Variants in ZNF254 observed in about 807,000 individuals in gnomAD.
ZNF254 encodes the protein zinc finger protein 254, also known as CTD-2017D11.1.
A neutral mutation model predicts 12.4 loss-of-function variants in ZNF254; 10 were observed. The observed-to-expected ratio is 0.80, with a 90% CI of 0.50 to 1.36. The LOEUF is 1.36. Among genes scored for constraint, ZNF254 ranks in the 40% most tolerant of loss-of-function variants. The pLI, the probability that ZNF254 is intolerant of heterozygous loss-of-function variation, is 0.00. For missense variants in ZNF254, 996 were observed against 763.9 expected (o/e 1.30, Z -3.58); for synonymous variants, 305 against 253.4 (o/e 1.20, Z -1.93).
chr19:24,085,427 A>ATATATGT (rs1369362234), upstream of ZNF254, among the ~76,000 whole-genome samples: 27 of 42,446 alleles, frequency 6.4e-4, 3 homozygotes, highest in South Asian at 5.1e-3. Context: ...TATATATATA[A>ATATATGT]AAACTAAGAT....
At chr19:24,107,446 A>T (rs547321053) in intron 3 of ZNF254, 20 of 380,612 alleles carry the variant, frequency 5.3e-5, no homozygotes, top group African/African-American at 3.5e-4. Flanking sequence ...TGAGTATTTC[A>T]TTGATATTGT....
intron 3 of ZNF254, among the ~76,000 whole-genome samples, chr19:24,124,563 G>C (rs1029281828): frequency 1.3e-5 from 2 of 151,888 alleles, no homozygotes; most frequent in Non-Finnish European, 2.9e-5. Flanking sequence ...TTTAGAATTT[G>C]GTTACTTTGG....
At chr19:24,094,876 A>G (rs1006437507) in intron 1 of ZNF254, among the ~76,000 whole-genome samples, 1 of 151,766 alleles carries the variant, frequency 6.6e-6, no homozygotes, top group South Asian at 2.1e-4. Context: ...TAGTGGAGAC[A>G]GGGTTTTGCC....
At chr19:24,045,496 C>G (rs56147653) in intron 1 of ZNF254, among the ~76,000 whole-genome samples, 23,916 of 151,516 alleles carry the variant, frequency 0.16, 2,056 homozygotes, top group Middle Eastern at 0.23. Context: ...GGTGAAACCC[C>G]GTCTCTACTA....
chr19:24,059,194 A>C (rs1970977886), intron 2 of ZNF254, among the ~76,000 whole-genome samples: 1 of 152,194 alleles, frequency 6.6e-6, no homozygotes, highest in Non-Finnish European at 1.5e-5. Flanking sequence ...GCATTATGAC[A>C]TATCTCTTGG....
Position 24,126,404 on chromosome 19 carries a change from A to G in ZNF254, c.404A>G (p.Asn135Ser), listed in dbSNP as rs2146014650. 1 of 1,606,588 alleles carries G rather than the reference A, an allele frequency of 6.2e-7. No individual in the cohort carries two copies. The highest frequency in any genetic ancestry group is 8.5e-7 in the Non-Finnish European group (1 of 1,178,006). ...AAAAGTGTGGATGAGTATAAGGTGA[A>G]CAAAGAAGGTTATAATGGACTTAAC... is the stretch of plus-strand genomic sequence containing the variant. ...GCKSVDEYKV[N>S]KEGYNGLNQC... The change falls in exon 4 of 4, where the codon AAC becomes AGC. Residue 135 changes from asparagine (N) to serine (S), a missense_variant. Coordinates refer to ENST00000357002, the MANE Select transcript of ZNF254 (RefSeq NM_203282.4).
chr19:24,047,999 T>C (rs1338192841), intron 2 of ZNF254, among the ~76,000 whole-genome samples: 3 of 123,166 alleles, frequency 2.4e-5, no homozygotes, highest in Non-Finnish European at 5.0e-5. Context: ...TTTTTTCTTT[T>C]CTTCTTTTTT....
rs74175785 is a variant in ZNF254, at chr19:24,088,964, C to CTTT, written c.30+1654_30+1656dup. On this transcript the variant is annotated intron_variant, in intron 1 of 3. Transcript: ENST00000357002. Reference sequence around the variant, plus strand: ...GAGCCATCTCGCCTGGCCAATTAATCTTTTTTTTTTTTTTTTTTTTTTTTT... The same window carrying CTTT: ...GAGCCATCTCGCCTGGCCAATTAATCTTTTTTTTTTTTTTTTTTTTTTTTTTTT... Among the ~76,000 whole-genome samples, 117 of 99,284 alleles carry CTTT rather than the reference C, an allele frequency of 1.2e-3. 7 individuals are homozygous for CTTT. Among genetic ancestry groups the CTTT allele is most frequent in the African/African-American group, 5.2e-3 (97 of 18,684 alleles). 65.1% of individuals were successfully genotyped at this position (99,284 alleles called of 152,430 possible). A position where few individuals can be genotyped will look rare whatever the true frequency, so the allele number is the denominator to read the frequency against.
At chr19:24,109,970 C>G (rs1973569082) in intron 3 of ZNF254, among the ~76,000 whole-genome samples, 1 of 151,462 alleles carries the variant, frequency 6.6e-6, no homozygotes, top group African/African-American at 2.4e-5. Flanking sequence ...CTTGGGTGAT[C>G]TGCTTGCCTT....
At chr19:24,088,532 T>C (rs1301115746) in intron 1 of ZNF254, among the ~76,000 whole-genome samples, 3 of 152,146 alleles carry the variant, frequency 2.0e-5, no homozygotes, top group Non-Finnish European at 4.4e-5. Context: ...TGCAGGAAAA[T>C]ACTAAATTTC....
At chr19:24,033,788 C>T (rs1253818808) in intron 1 of ZNF254, among the ~76,000 whole-genome samples, 2 of 152,204 alleles carry the variant, frequency 1.3e-5, no homozygotes, top group African/African-American at 4.8e-5. Flanking sequence ...GCCGGGATCC[C>T]CGCGTTCAGC....
At chr19:24,072,470 C>T (rs972794722) in intron 2 of ZNF254, among the ~76,000 whole-genome samples, 4 of 152,158 alleles carry the variant, frequency 2.6e-5, no homozygotes, top group Middle Eastern at 3.2e-3. Context: ...CTGTGCCACG[C>T]CTTATTACCC....
At chr19:24,057,551 A>G (rs965825303) in intron 2 of ZNF254, among the ~76,000 whole-genome samples, 13 of 152,222 alleles carry the variant, frequency 8.5e-5, no homozygotes, top group African/African-American at 2.9e-4. Flanking sequence ...AACTAGGCTC[A>G]TTGTACAGTT....
chr19:24,106,482 G>A (rs1017817340), intron 2 of ZNF254, 66 bp from the exon 3 acceptor site: 22 of 1,279,026 alleles, frequency 1.7e-5, no homozygotes, highest in Non-Finnish European at 2.4e-5. Flanking sequence ...TCCTTACTGA[G>A]CACATTACTA....
At chr19:24,117,891 T>C (rs1974209862) in intron 3 of ZNF254, among the ~76,000 whole-genome samples, 1 of 152,028 alleles carries the variant, frequency 6.6e-6, no homozygotes, top group Non-Finnish European at 1.5e-5. Flanking sequence ...ATCATACATG[T>C]CTTCAAGGTC....
intron 1 of ZNF254, among the ~76,000 whole-genome samples, chr19:24,042,650 C>A (rs138611526): frequency 2.0e-5 from 3 of 152,138 alleles, no homozygotes; most frequent in African/African-American, 7.2e-5. Flanking sequence ...GGGTCCGCGG[C>A]TTCATTCTTG....
intron 1 of ZNF254, among the ~76,000 whole-genome samples, chr19:24,099,852 A>T (rs190213031): frequency 1.9e-4 from 29 of 152,220 alleles, no homozygotes; most frequent in African/African-American, 4.6e-4. Flanking sequence ...TGTCTGTTAC[A>T]TTATTGTGGT....
At chr19:24,120,640 C>A (rs1385846058) in intron 3 of ZNF254, among the ~76,000 whole-genome samples, 2 of 151,298 alleles carry the variant, frequency 1.3e-5, no homozygotes, top group Admixed American at 1.3e-4. Context: ...AAAATTGACT[C>A]ATTTTAGCAT....
intron 3 of ZNF254, among the ~76,000 whole-genome samples, chr19:24,122,842 ACCAT>A (rs1293453111): frequency 1.4e-5 from 2 of 144,564 alleles, no homozygotes; most frequent in African/African-American, 5.2e-5. Flanking sequence ...TCCTTATATG[ACCAT>A]GTATGTGAAA....
Sources: gnomAD v4.1 joint callset for allele counts (sites outside exome capture counted in the v4.1 genomes callset) on GRCh38, gnomAD v4.1.1 for gene constraint, MANE v1.5 for transcripts, NCBI Gene and HGNC (gene_info 2026-07-23, HGNC 2026-07-21) for gene names.